PCNX2: variants seen among roughly 807,000 people sequenced by gnomAD.
The protein encoded by PCNX2 is pecanex-like protein 2.
PCNX2 carries 168 observed loss-of-function variants against 223.8 expected under a neutral mutation model. The observed-to-expected ratio is 0.75, with a 90% CI of 0.66 to 0.85. The LOEUF is 0.85. Ranked by LOEUF, PCNX2 falls within the 40% of genes least tolerant of loss-of-function variation. The probability of loss-of-function intolerance (pLI) is 0.00; values close to 1 mark genes in which losing one functional copy is unlikely to be tolerated. For synonymous variants in PCNX2, 1,006 were observed against 1,052.6 expected (o/e 0.96, Z 0.86); for missense variants, 2,507 against 2,675.5 (o/e 0.94, Z 1.39).
the PCNX2 span, among the ~76,000 whole-genome samples, chr1:233,317,505 A>C: frequency 6.6e-6 from 1 of 152,324 alleles, no homozygotes; most frequent in Non-Finnish European, 1.5e-5. Flanking sequence ...TATATGTATA[A>C]TTTGGTTTGC....
chr1:233,134,994 A>C lies in PCNX2; in HGVS notation c.3837+19T>G. On this transcript the variant is annotated intron_variant, in intron 21 of 33. Coordinates refer to ENST00000258229, the MANE Select transcript of PCNX2 (RefSeq NM_014801.4). Reference sequence around the variant, plus strand: ...CCCCTTTAAAATGTTAAAATGAAGAAAATAGCTAATTCACTTGCCTTGCTA... The same window carrying C: ...CCCCTTTAAAATGTTAAAATGAAGACAATAGCTAATTCACTTGCCTTGCTA... 1 of 1,567,756 alleles carries C rather than the reference A, an allele frequency of 6.4e-7. No individual in the cohort carries two copies. Among genetic ancestry groups the C allele is most frequent in the South Asian group, 1.1e-5 (1 of 90,024 alleles).
At chr1:233,171,503 T>C (rs1305447062) in intron 17 of PCNX2, among the ~76,000 whole-genome samples, 1 of 152,190 alleles carries the variant, frequency 6.6e-6, no homozygotes, top group Admixed American at 6.5e-5. Flanking sequence ...ATTAAGTATA[T>C]CCAACAACTG....
intron 14 of PCNX2, among the ~76,000 whole-genome samples, chr1:233,199,246 A>C (rs1046581188): frequency 4.6e-5 from 7 of 152,238 alleles, no homozygotes; most frequent in African/African-American, 1.7e-4. Flanking sequence ...GTACTCAGAA[A>C]GAATGCTTTA....
At chr1:233,087,183 A>C in intron 23 of PCNX2, 10 of 985,366 alleles carry the variant, frequency 1.0e-5, no homozygotes, top group Non-Finnish European at 1.2e-5. Context: ...TGCAGCTCTC[A>C]TTAGAGACCT....
intron 15 of PCNX2, among the ~76,000 whole-genome samples, chr1:233,186,575 C>T (rs1680110916): frequency 6.6e-6 from 1 of 152,182 alleles, no homozygotes; most frequent in African/African-American, 2.4e-5. Context: ...GGACCTTGAA[C>T]ACCCCAGAAG....
chr1:233,141,536 T>C (rs1677110456), intron 19 of PCNX2, among the ~76,000 whole-genome samples: 4 of 152,036 alleles, frequency 2.6e-5, no homozygotes, highest in African/African-American at 7.2e-5. Context: ...CATGGTGGCA[T>C]GTGCCTGTAA....
At chr1:233,154,368 C>T (rs989213621) in intron 19 of PCNX2, among the ~76,000 whole-genome samples, 23 of 152,240 alleles carry the variant, frequency 1.5e-4, no homozygotes, top group African/African-American at 5.3e-4. Flanking sequence ...GTGTGGGCCA[C>T]CATGCCCGGC....
intron 21 of PCNX2, among the ~76,000 whole-genome samples, chr1:233,124,212 G>GT (rs1473179497): frequency 2.0e-5 from 3 of 152,106 alleles, no homozygotes; most frequent in Non-Finnish European, 4.4e-5. Flanking sequence ...GACAATTTAA[G>GT]TTTTATCAGA....
intron 25 of PCNX2, among the ~76,000 whole-genome samples, chr1:233,044,126 T>A (rs1277978814): frequency 1.3e-5 from 2 of 152,184 alleles, no homozygotes; most frequent in East Asian, 3.9e-4. Flanking sequence ...GGTATCTCAT[T>A]GTGGTTTTGA....
intron 10 of PCNX2, among the ~76,000 whole-genome samples, chr1:233,222,775 G>A (rs79785106): frequency 4.1e-4 from 62 of 152,296 alleles, no homozygotes; most frequent in Non-Finnish European, 7.8e-4. Flanking sequence ...AGAGAAACCA[G>A]AAGGATGGAG....
intron 21 of PCNX2, among the ~76,000 whole-genome samples, chr1:233,115,182 TA>T (rs375627794): frequency 3.6e-4 from 52 of 144,494 alleles, no homozygotes; most frequent in South Asian, 6.6e-4. Context: ...TCGAGGGCAT[TA>T]AAAAAAAAAA....
At chr1:233,315,904 A>G in the PCNX2 span, among the ~76,000 whole-genome samples, 13 of 152,206 alleles carry the variant, frequency 8.5e-5, no homozygotes, top group Admixed American at 2.0e-4. Flanking sequence ...AAAGAGTCCA[A>G]TGAATTGTAA....
chr1:232,999,747 T>C (rs1271774524), intron 30 of PCNX2: 1 of 228,962 alleles, frequency 4.4e-6, no homozygotes, highest in Non-Finnish European at 8.6e-6. Context: ...AGAGCAGGGC[T>C]CTGGGACTGA....
At position 233,258,887 on chromosome 1, in the gene PCNX2, C is replaced by T; in HGVS notation, c.975G>A (p.Glu325=). 1 of 1,613,940 alleles carries T rather than the reference C, an allele frequency of 6.2e-7. No individual in the cohort carries two copies. Among genetic ancestry groups the T allele is most frequent in the Non-Finnish European group, 8.5e-7 (1 of 1,179,884 alleles). The change falls in exon 5 of 34, where the codon GAG becomes GAA. Residue 325 remains glutamate, a synonymous_variant. Coordinates refer to ENST00000258229, the MANE Select transcript of PCNX2 (RefSeq NM_014801.4). The part of the protein sequence containing the change: ...CDTIVAKPVE[E]PADTSCQVDT... The stretch of plus-strand genomic sequence containing the variant: ...CTACCTGACAGGATGTGTCTGCTGG[C>T]TCCTCCACAGGCTTGGCCACGATGG...
In PCNX2 at chr1:233,262,962, G is replaced by A. The variant is rs1024209419; in HGVS notation, c.355C>T (p.Pro119Ser). The change falls in exon 2 of 34, where the codon CCA becomes TCA. Residue 119 changes from proline to serine, a missense_variant. Physicochemically the swap from Pro to Ser is moderately conservative, Grantham distance 74. Coordinates refer to ENST00000258229, the MANE Select transcript of PCNX2 (RefSeq NM_014801.4). ...CACATTAATTGAAAATATTACCTTG[G>A]ATTTCTGTGATTAGTTATGTGTTCA... is the stretch of plus-strand genomic sequence containing the variant. ...KGEHITNHRN[P>S]SNNRQIHNGK... 4 of 1,612,296 alleles carry A rather than the reference G, an allele frequency of 2.5e-6. No homozygotes were observed. Among genetic ancestry groups the A allele is most frequent in the Non-Finnish European group, 3.4e-6 (4 of 1,179,078 alleles).
chr1:233,155,546 C>T (rs1164656413), intron 19 of PCNX2, among the ~76,000 whole-genome samples: 1 of 152,122 alleles, frequency 6.6e-6, no homozygotes, highest in African/African-American at 2.4e-5. Context: ...ATACTTATTC[C>T]TTGTCTCAAT....
chr1:233,223,303 A>G (rs2477856), intron 10 of PCNX2, among the ~76,000 whole-genome samples: 150,165 of 152,228 alleles, frequency 0.99, 74,076 homozygotes, highest in East Asian at 1. Context: ...CGGAGTTTTG[A>G]GGTTGGGGGA....
In PCNX2 at chr1:233,018,899, A is replaced by C. The variant is rs1292898184; in HGVS notation, c.4606-1745T>G. 13 of 985,454 alleles carry C rather than the reference A, an allele frequency of 1.3e-5. No homozygotes were observed. The East Asian group carries it at 1.5e-3, about 112-fold the overall frequency. The allele number at this position is 985,454 out of a possible 1,614,324, so 61.0% of individuals were successfully genotyped here. On this transcript the variant is annotated intron_variant, in intron 26 of 33. Coordinates refer to ENST00000258229, the MANE Select transcript of PCNX2 (RefSeq NM_014801.4). ...AAAAACATATTCTTTTTAAGTGAGA[A>C]AGCAGAAAACGAATATTGGGTGGAC...
chr1:233,161,695 CTG>C (rs1678493590), intron 17 of PCNX2, among the ~76,000 whole-genome samples: 1 of 152,064 alleles, frequency 6.6e-6, no homozygotes, highest in African/African-American at 2.4e-5. Context: ...TGTATCTGAT[CTG>C]TGTTTCCACA....
Sources: allele counts gnomAD v4.1 joint callset (sites outside exome capture counted in the v4.1 genomes callset), GRCh38; gene constraint gnomAD v4.1.1; transcripts MANE v1.5; gene names NCBI Gene and HGNC (gene_info 2026-07-23, HGNC 2026-07-21).